The following ARHGAP29 variants were observed in gnomAD, a reference collection of about 807,000 sequenced individuals.
ARHGAP29 encodes the protein rho GTPase-activating protein 29.
A neutral mutation model predicts 122.6 loss-of-function variants in ARHGAP29; 43 were observed. The ratio of observed to expected loss-of-function variants is 0.35; its 90% CI spans 0.27 to 0.45. The LOEUF is 0.45. ARHGAP29 is among the 20% of genes least tolerant of loss of function. The probability of loss-of-function intolerance (pLI) is 1.00; values close to 1 mark genes in which losing one functional copy is unlikely to be tolerated. For missense variants in ARHGAP29, 1,303 were observed against 1,477.2 expected, an observed-to-expected ratio of 0.88 and a Z score of 1.93; for synonymous variants, 506 against 497.1, an observed-to-expected ratio of 1.02 and a Z score of -0.24.
intron 3 of ARHGAP29, among the ~76,000 whole-genome samples, chr1:94,211,447 G>A (rs963790091): frequency 2.0e-5 from 3 of 151,968 alleles, no homozygotes; most frequent in Non-Finnish European, 4.4e-5. Context: ...CTGACAGAAC[G>A]CGTAGATGGA....
At chr1:94,260,047 G>C (rs1322857049) in intron 1 of ARHGAP29, among the ~76,000 whole-genome samples, 4 of 152,182 alleles carry the variant, frequency 2.6e-5, no homozygotes, top group Non-Finnish European at 5.9e-5. Flanking sequence ...AAATGGCTTA[G>C]TTCTGATCTA....
upstream of ARHGAP29, among the ~76,000 whole-genome samples, chr1:94,241,664 T>TAA (rs1376254630): frequency 1.4e-5 from 2 of 145,232 alleles, no homozygotes; most frequent in Non-Finnish European, 3.0e-5. Context: ...CTTATATATA[T>TAA]AATTATATAT....
Position 94,185,354 on chromosome 1 carries a change from A to C in ARHGAP29, c.1908T>G (p.Val636=). ...DCEGIVVFQG[V]ECEECLLVCH... is the part of the protein sequence containing the mutation. ...ACAAAGATCTTACCTCTTCACATTC[A>C]ACACCTTGGAACACTACAATGCCTT... Residue 636 remains valine (V), a synonymous_variant, in exon 17 of 23, where the codon GTT becomes GTG. Transcript: ENST00000260526. 6.2e-7 allele frequency: 1 copy of C among 1,600,566 alleles called. No individual in the cohort carries two copies. The highest frequency in any genetic ancestry group is 8.5e-7 in the Non-Finnish European group (1 of 1,175,402).
intron 3 of ARHGAP29, among the ~76,000 whole-genome samples, chr1:94,212,979 T>G (rs2101556566): frequency 6.6e-6 from 1 of 152,262 alleles, no homozygotes; most frequent in South Asian, 2.1e-4. Flanking sequence ...CACTCAAATC[T>G]TTCCTATGTG....
chr1:94,210,994 G>A (rs1651563618), intron 3 of ARHGAP29, among the ~76,000 whole-genome samples: 1 of 151,314 alleles, frequency 6.6e-6, no homozygotes, highest in Admixed American at 6.6e-5. Flanking sequence ...TTCATCAAAA[G>A]GACATAACAG....
At chr1:94,183,322 T>C (rs183407851) in intron 19 of ARHGAP29, among the ~76,000 whole-genome samples, 7 of 152,304 alleles carry the variant, frequency 4.6e-5, no homozygotes, top group Admixed American at 2.0e-4. Flanking sequence ...GAGGACAGAA[T>C]AGCAGCTAAG....
At position 94,220,984 on chromosome 1, in the gene ARHGAP29, A is replaced by G. The variant is rs7548667; in HGVS notation, c.206-592T>C. Among the ~76,000 whole-genome samples the G allele has an allele frequency of 9.7e-3, 1,477 of 152,290 alleles. 21 individuals are homozygous for G. The highest frequency in any genetic ancestry group is 0.034 in the African/African-American group (1,404 of 41,552). Reference sequence around the variant, plus strand: ...CAGGGCCACATTCCTCCTTGGCCACAGTAGCTAGAACAGAGCAGTGCTGCT... The same window carrying G: ...CAGGGCCACATTCCTCCTTGGCCACGGTAGCTAGAACAGAGCAGTGCTGCT... On this transcript the variant is annotated intron_variant, in intron 2 of 22. Transcript: ENST00000260526.
At chr1:94,186,430 TTATC>T (rs1649805676) in intron 16 of ARHGAP29, 65 bp downstream of exon 16, 1 of 1,084,094 alleles carries the variant, frequency 9.2e-7, no homozygotes, top group Non-Finnish European at 1.4e-6. Flanking sequence ...ATTATACTAT[TTATC>T]TAATATCATG....
the ARHGAP29 span, among the ~76,000 whole-genome samples, chr1:94,294,789 G>A: frequency 2.0e-5 from 3 of 152,162 alleles, no homozygotes; most frequent in African/African-American, 7.2e-5. Flanking sequence ...AAATACTAAC[G>A]TTCAAGAGAT....
the ARHGAP29 span, among the ~76,000 whole-genome samples, chr1:94,309,000 G>T: frequency 6.6e-6 from 1 of 152,316 alleles, no homozygotes; most frequent in Non-Finnish European, 1.5e-5. Flanking sequence ...GCACTGGACT[G>T]CCTCCTTCCC....
chr1:94,263,488 C>T (rs1654640526), intron 1 of ARHGAP29, among the ~76,000 whole-genome samples: 1 of 152,092 alleles, frequency 6.6e-6, no homozygotes. Context: ...ATGCAGACCA[C>T]GTACTCATGC....
At chr1:94,309,684 G>A in the ARHGAP29 span, among the ~76,000 whole-genome samples, 1 of 152,192 alleles carries the variant, frequency 6.6e-6, no homozygotes, top group East Asian at 1.9e-4. Context: ...GGATGATGCA[G>A]GAGAGAAAGA....
chr1:94,248,877 GTTTATT>G (rs1653957113), intron 1 of ARHGAP29, among the ~76,000 whole-genome samples: 1 of 152,010 alleles, frequency 6.6e-6, no homozygotes, highest in Admixed American at 6.6e-5. Context: ...TAGCTCTGTT[GTTTATT>G]TTTATGTTTT....
At chr1:94,201,891 A>G in intron 11 of ARHGAP29, 34 bp from the exon 12 acceptor site, 1 of 1,496,516 alleles carries the variant, frequency 6.7e-7, no homozygotes, top group African/African-American at 1.4e-5. Context: ...AAATAACACT[A>G]GAATTTATAT....
At chr1:94,206,547 G>A (rs988963603) in intron 5 of ARHGAP29, among the ~76,000 whole-genome samples, 2 of 152,134 alleles carry the variant, frequency 1.3e-5, no homozygotes, top group East Asian at 3.8e-4. Context: ...ACTGTTTTAA[G>A]AATTAAGATG....
chr1:94,256,683 C>T (rs1379985367), intron 1 of ARHGAP29, among the ~76,000 whole-genome samples: 1 of 150,300 alleles, frequency 6.7e-6, no homozygotes, highest in East Asian at 2.0e-4. Context: ...CTCAGCCTCC[C>T]GAGTAGCTGG....
At chr1:94,304,153 G>A in the ARHGAP29 span, among the ~76,000 whole-genome samples, 4 of 152,122 alleles carry the variant, frequency 2.6e-5, no homozygotes, top group Admixed American at 6.5e-5. Flanking sequence ...TGGGGGATGG[G>A]GGAAGAAGGT....
intron 16 of ARHGAP29, 29 bp downstream of exon 16, chr1:94,186,470 G>A (rs1404889839): frequency 6.7e-7 from 1 of 1,502,742 alleles, no homozygotes; most frequent in Admixed American, 1.7e-5. Context: ...AGCTGGTTTA[G>A]TGGGACTTAA....
intron 5 of ARHGAP29, 148 bp downstream of exon 5, chr1:94,208,684 T>C: frequency 1.6e-6 from 1 of 624,456 alleles, no homozygotes; most frequent in Non-Finnish European, 2.8e-6. Context: ...GGTCTCAAAC[T>C]CCTGACTTCA....
Sources: allele counts gnomAD v4.1 joint callset (sites outside exome capture counted in the v4.1 genomes callset), GRCh38; gene constraint gnomAD v4.1.1; transcripts MANE v1.5; gene names NCBI Gene and HGNC (gene_info 2026-07-23, HGNC 2026-07-21).